Variants in PTPRD observed in about 807,000 individuals in gnomAD.
The protein encoded by PTPRD is protein tyrosine phosphatase receptor type D.
PTPRD carries 34 observed loss-of-function variants against 214.5 expected under a neutral mutation model. The ratio of observed to expected loss-of-function variants is 0.16; its 90% CI spans 0.12 to 0.21. The LOEUF is 0.21. Among genes scored for constraint, PTPRD ranks in the 10% least tolerant of loss-of-function variants. PTPRD has a pLI of 1.00. For missense variants in PTPRD, 2,545 were observed against 2,398.7 expected (o/e 1.06, Z -1.27); for synonymous variants, 1,128 against 845.7 (o/e 1.33, Z -5.79).
intron 7 of PTPRD, among the ~76,000 whole-genome samples, chr9:9,651,377 G>C (rs1048998222): frequency 1.1e-4 from 17 of 151,970 alleles, no homozygotes; most frequent in African/African-American, 4.1e-4. Flanking sequence ...TATTTTTCCT[G>C]AACCTCTTCC....
intron 11 of PTPRD, among the ~76,000 whole-genome samples, chr9:8,948,561 A>T (rs1481854588): frequency 2.0e-5 from 2 of 98,708 alleles, no homozygotes; most frequent in African/African-American, 3.9e-5. Context: ...ATTTATATAT[A>T]TTTATATATA....
chr9:8,339,145 C>CA (rs1849879759), intron 42 of PTPRD, 98 bp from the exon 43 acceptor site: 1 of 1,254,412 alleles, frequency 8.0e-7, no homozygotes, highest in African/African-American at 1.5e-5. Context: ...TTCCTTATCC[C>CA]ATTAATAAAA....
At chr9:8,350,937 T>C (rs10732364) in intron 39 of PTPRD, among the ~76,000 whole-genome samples, 73,245 of 151,988 alleles carry the variant, frequency 0.48, 20,586 homozygotes, top group Non-Finnish European at 0.64. Context: ...CAAATGCACA[T>C]ACTCTTTGAC....
chr9:10,310,180 C>A (rs1041329450), intron 3 of PTPRD, among the ~76,000 whole-genome samples: 1 of 152,000 alleles, frequency 6.6e-6, no homozygotes, highest in Admixed American at 6.6e-5. Flanking sequence ...CCATGTCCAA[C>A]TCTTCTCATT....
chr9:8,942,006 A>G (rs1292611756), intron 11 of PTPRD, among the ~76,000 whole-genome samples: 2 of 152,082 alleles, frequency 1.3e-5, no homozygotes, highest in Admixed American at 6.5e-5. Flanking sequence ...GGGTTTCACC[A>G]TGTTGGCTAG....
At chr9:9,954,500 TATAAA>T (rs1305457594) in intron 4 of PTPRD, among the ~76,000 whole-genome samples, 6 of 151,876 alleles carry the variant, frequency 4.0e-5, no homozygotes, top group Admixed American at 1.3e-4. Flanking sequence ...GAACATTACT[TATAAA>T]ATACATAATC....
chr9:8,825,728 T>C (rs758235163), intron 11 of PTPRD, among the ~76,000 whole-genome samples: 30 of 152,194 alleles, frequency 2.0e-4, no homozygotes, highest in Non-Finnish European at 3.7e-4. Context: ...TGGTTGCCCA[T>C]TGTTATGGTT....
chr9:10,353,264 T>C (rs1404312371), intron 2 of PTPRD, among the ~76,000 whole-genome samples: 5 of 151,894 alleles, frequency 3.3e-5, no homozygotes, highest in Non-Finnish European at 5.9e-5. Flanking sequence ...CTAATGTTCT[T>C]ACAAAAAACA....
chr9:10,043,195 C>A (rs1329545774), intron 3 of PTPRD, among the ~76,000 whole-genome samples: 1 of 151,932 alleles, frequency 6.6e-6, no homozygotes, highest in Non-Finnish European at 1.5e-5. Flanking sequence ...GATATTGCCT[C>A]TCTGATACAC....
At position 8,314,775 on chromosome 9, in the gene PTPRD, A is replaced by C. The variant is rs1339270487; in HGVS notation, c.*3099T>G. On this transcript the variant is annotated 3_prime_UTR_variant, in exon 46 of 46. Transcript: ENST00000381196. ...TGTTGTGTTATTTACATACACACAA[A>C]TGAATTTCCGAAGCAGTTTCTTACA... The C allele has an allele frequency of 4.3e-6, 1 of 232,216 alleles. No homozygotes were observed. Among genetic ancestry groups the C allele is most frequent in the Non-Finnish European group, 8.5e-6 (1 of 117,296 alleles). The allele number at this position is 232,216 out of a possible 1,614,324, so 14.4% of individuals were successfully genotyped here.
At chr9:8,542,355 G>C (rs1326485495) in intron 14 of PTPRD, among the ~76,000 whole-genome samples, 3 of 152,164 alleles carry the variant, frequency 2.0e-5, no homozygotes, top group Admixed American at 1.3e-4. Context: ...ATTTAGGATA[G>C]TACCGAGATA....
chr9:9,048,107 C>T (rs1336086190), intron 10 of PTPRD, among the ~76,000 whole-genome samples: 2 of 152,148 alleles, frequency 1.3e-5, no homozygotes, highest in Non-Finnish European at 2.9e-5. Flanking sequence ...GTGATATCTT[C>T]TCAGCCCTAG....
chr9:10,137,923 C>G (rs577694602), intron 3 of PTPRD, among the ~76,000 whole-genome samples: 1 of 151,906 alleles, frequency 6.6e-6, no homozygotes, highest in South Asian at 2.1e-4. Flanking sequence ...GTGCTAAACA[C>G]CTACATCAAG....
At position 10,280,867 on chromosome 9, in the gene PTPRD, G is replaced by A. The variant is rs1190764384; in HGVS notation, c.-545+60096C>T. On this transcript the variant is annotated intron_variant, in intron 3 of 45. Transcript: ENST00000381196. ...TGGGCTCAAGCTGTCCTCTCTCCTA[G>A]GCCTCCCAAGGTGCTAAGATTACAA... Among the ~76,000 whole-genome samples, 3 of 151,900 alleles carry A rather than the reference G, an allele frequency of 2.0e-5. No individual in the cohort carries two copies. In the East Asian group the frequency reaches 5.8e-4, roughly 29 times the overall value.
At chr9:8,645,944 A>G (rs1306946622) in intron 12 of PTPRD, among the ~76,000 whole-genome samples, 2 of 151,830 alleles carry the variant, frequency 1.3e-5, no homozygotes, top group Non-Finnish European at 2.9e-5. Context: ...CACAATACCA[A>G]TTATTAAGTT....
chr9:8,444,166 C>T (rs1011403646), intron 34 of PTPRD, among the ~76,000 whole-genome samples: 1 of 152,134 alleles, frequency 6.6e-6, no homozygotes, highest in Non-Finnish European at 1.5e-5. Context: ...ATGCTCATTA[C>T]AGTAGTATCT....
intron 9 of PTPRD, among the ~76,000 whole-genome samples, chr9:9,348,067 GCACAAT>G (rs2049585624): frequency 1.3e-5 from 2 of 152,086 alleles, no homozygotes; most frequent in Admixed American, 6.6e-5. Context: ...ATCCAAGTGT[GCACAAT>G]CAAGCTAGAG....
chr9:8,886,666 T>G (rs1231920686), intron 11 of PTPRD, among the ~76,000 whole-genome samples: 2 of 152,156 alleles, frequency 1.3e-5, no homozygotes, highest in Non-Finnish European at 2.9e-5. Context: ...AGGGCTGAAT[T>G]TTTTCTGCAG....
intron 9 of PTPRD, among the ~76,000 whole-genome samples, chr9:9,384,845 T>C (rs1187730695): frequency 1.3e-5 from 2 of 152,086 alleles, no homozygotes; most frequent in Non-Finnish European, 2.9e-5. Flanking sequence ...AACACCCTTA[T>C]GGAATGAGAC....
Sources: allele counts gnomAD v4.1 joint callset (sites outside exome capture counted in the v4.1 genomes callset), GRCh38; gene constraint gnomAD v4.1.1; transcripts MANE v1.5; gene names NCBI Gene and HGNC (gene_info 2026-07-23, HGNC 2026-07-21).